Variants in OR8J3 observed in about 807,000 individuals in gnomAD.
The protein encoded by OR8J3 is olfactory receptor family 8 subfamily J member 3.
For synonymous variants in OR8J3, 170 were observed against 142.6 expected (o/e 1.19, Z -1.37); for missense variants, 418 against 379.8 (o/e 1.10, Z -0.84).
Position 56,137,392 on chromosome 11 carries a change from T to A in OR8J3, c.327A>T (p.Val109=). The change falls in exon 2 of 2, where the codon GTA becomes GTT. Residue 109 remains valine, a synonymous_variant. Coordinates refer to ENST00000642058, the MANE Select transcript of OR8J3 (RefSeq NM_001004064.2). ...TQLGGFLFFI[V]SEVMMLAVMA... is the part of the protein sequence containing the mutation. The stretch of plus-strand genomic sequence containing the variant: ...TCACAGCCAGCATCATTACCTCCGA[T>A]ACAATAAAGAACAAGAACCCTCCCA... 6.2e-7 allele frequency: 1 copy of A among 1,614,110 alleles called. No individual in the cohort carries two copies. The highest frequency in any genetic ancestry group is 8.5e-7 in the Non-Finnish European group (1 of 1,180,010).
In OR8J3 at chr11:56,135,137, C is replaced by T. The variant is rs1854318092; in HGVS notation, c.*1634G>A. On this transcript the variant is annotated 3_prime_UTR_variant, in exon 2 of 2. Coordinates refer to ENST00000642058, the MANE Select transcript of OR8J3 (RefSeq NM_001004064.2). ...AAATCTAAAAATTGTCATTTGAGGA[C>T]CTTGTTAATAGTTTATAAAAACTGA... 6.6e-6 allele frequency: 1 copy of T among 151,734 alleles called. No individual in the cohort carries two copies. The highest frequency in any genetic ancestry group is 2.4e-5 in the African/African-American group (1 of 41,322). The allele number at this position is 151,734 out of a possible 1,614,324, so 9.4% of individuals were successfully genotyped here. A position where few individuals can be genotyped will look rare whatever the true frequency, so the allele number is the denominator to read the frequency against.
chr11:56,137,813 C>T lies in OR8J3; in HGVS notation c.-95G>A. ...TAGGATTTCCACTAGATGGCAAGGA[C>T]AATTCCTGGGTGTGATCTTCTTGTC... is the stretch of plus-strand genomic sequence containing the variant. On this transcript the variant is annotated 5_prime_UTR_variant, in exon 2 of 2. Coordinates refer to ENST00000642058, the MANE Select transcript of OR8J3 (RefSeq NM_001004064.2). 1.0e-6 allele frequency: 1 copy of T among 1,000,528 alleles called. No individual in the cohort carries two copies. Among genetic ancestry groups the T allele is most frequent in the Non-Finnish European group, 1.5e-6 (1 of 671,682 alleles). The allele number at this position is 1,000,528 out of a possible 1,614,324, so 62.0% of individuals were successfully genotyped here. A position where few individuals can be genotyped will look rare whatever the true frequency, so the allele number is the denominator to read the frequency against.
At chr11:56,139,601 TAAG>T (rs1464966923) in intron 1 of OR8J3, among the ~76,000 whole-genome samples, 1 of 152,226 alleles carries the variant, frequency 6.6e-6, no homozygotes, top group African/African-American at 2.4e-5. Context: ...AAAAATCTGT[TAAG>T]AAGGCATATA....
In OR8J3 at chr11:56,137,791, G is replaced by T; in HGVS notation, c.-73C>A. On this transcript the variant is annotated 5_prime_UTR_variant, in exon 2 of 2. Transcript: ENST00000642058. ...TAGACGTTAAGGAATCATTTTCTAG[G>T]ATTTCCACTAGATGGCAAGGACAAT... The T allele has an allele frequency of 7.9e-7, 1 of 1,262,312 alleles. No homozygotes were observed. The highest frequency in any genetic ancestry group is 1.1e-6 in the Non-Finnish European group (1 of 903,352). 78.2% of individuals were successfully genotyped at this position (1,262,312 alleles called of 1,614,324 possible).
In OR8J3 at chr11:56,136,940, A is replaced by T. The variant is rs1400160918; in HGVS notation, c.779T>A (p.Leu260Ter). Residue 260 changes from leucine (L) to a stop codon, truncating the protein, a stop_gained, in exon 2 of 2, where the codon TTG becomes TAG. Transcript: ENST00000642058. LOFTEE classifies it low-confidence loss of function (END_TRUNC). ...CAGTGAGTGGTTGGTTTGGGGCTGC[A>T]AATACATAAATAGCATTGTCCCATA... ...VFYGTMLFMY[L>*]QPQTNHSLDT... 6.2e-7 allele frequency: 1 copy of T among 1,614,136 alleles called. No homozygotes were observed. The highest frequency in any genetic ancestry group is 1.1e-5 in the South Asian group (1 of 91,058).
chr11:56,136,906 A>C lies in OR8J3; in HGVS notation c.813T>G (p.Asp271Glu), dbSNP rs17150102. 195,465 of 1,613,848 alleles carry C rather than the reference A, an allele frequency of 0.12. 12,736 individuals carry two copies. The highest frequency in any genetic ancestry group is 0.15 in the East Asian group (6,688 of 44,860). Residue 271 changes from aspartate to glutamate, a missense_variant, in exon 2 of 2, where the codon GAT (aspartate) becomes GAG (glutamate). By Grantham distance (45) the Asp-to-Glu change is conservative. Coordinates refer to ENST00000642058, the MANE Select transcript of OR8J3 (RefSeq NM_001004064.2). Reference sequence around the variant, plus strand: ...ATGTGTAAAACACAGAAGCCATCTTATCAGTATCCAGTGAGTGGTTGGTTT... The same window carrying C: ...ATGTGTAAAACACAGAAGCCATCTTCTCAGTATCCAGTGAGTGGTTGGTTT... Reference protein sequence around the residue: ...QPQTNHSLDTDKMASVFYTLV... With the variant: ...QPQTNHSLDTEKMASVFYTLV...
At chr11:56,139,120 T>A (rs1163406594) in intron 1 of OR8J3, among the ~76,000 whole-genome samples, 2 of 152,168 alleles carry the variant, frequency 1.3e-5, no homozygotes, top group Non-Finnish European at 2.9e-5. Context: ...TGAATTCATG[T>A]CCTGTTGGAG....
In OR8J3 at chr11:56,136,639, T is replaced by A; in HGVS notation, c.*132A>T. 3 of 518,996 alleles carry A rather than the reference T, an allele frequency of 5.8e-6. No homozygotes were observed. The highest frequency in any genetic ancestry group is 9.8e-6 in the Non-Finnish European group (3 of 305,050). The allele number at this position is 518,996 out of a possible 1,614,324, so 32.1% of individuals were successfully genotyped here. A position where few individuals can be genotyped will look rare whatever the true frequency, so the allele number is the denominator to read the frequency against. ...ATAACTCAAAATGTTTCCATGTATTTTTTTTAATTCAATGATCTTTAAATC... is the reference window on the plus strand; with the variant it reads ...ATAACTCAAAATGTTTCCATGTATTATTTTTAATTCAATGATCTTTAAATC... On this transcript the variant is annotated 3_prime_UTR_variant, in exon 2 of 2. Transcript: ENST00000642058.
At position 56,138,517 on chromosome 11, in the gene OR8J3, A is replaced by G. The variant is rs118060806; in HGVS notation, c.-779-20T>C. On this transcript the variant is annotated intron_variant, in intron 1 of 1. Coordinates refer to ENST00000642058, the MANE Select transcript of OR8J3 (RefSeq NM_001004064.2). ...CCCTTTCTACAAACAAACAAACAAA[A>G]AAAAATAATTAGCCGTGCGTCGTGG... 3.3e-5 allele frequency: 5 copies of G among 152,130 alleles called. No homozygotes were observed. The highest frequency in any genetic ancestry group is 5.9e-5 in the Non-Finnish European group (4 of 68,116). 9.4% of individuals were successfully genotyped at this position (152,130 alleles called of 1,614,324 possible).
In OR8J3 at chr11:56,136,913, T is replaced by C. The variant is rs142189490; in HGVS notation, c.806A>G (p.Asp269Gly). The change falls in exon 2 of 2, where the codon GAT (aspartate) becomes GGT (glycine). Residue 269 changes from aspartate to glycine, a missense_variant. Physicochemically the swap from Asp to Gly is moderately conservative, Grantham distance 94. Transcript: ENST00000642058. ...AAACACAGAAGCCATCTTATCAGTA[T>C]CCAGTGAGTGGTTGGTTTGGGGCTG... ...YLQPQTNHSL[D>G]TDKMASVFYT... The C allele has an allele frequency of 3.7e-4, 599 of 1,614,152 alleles. 2 individuals are homozygous for C. The African/African-American group carries it at 7.3e-3, about 20-fold the overall frequency.
rs11227321 is a variant in OR8J3 at position 56,137,352 on chromosome 11, A to C, written c.367T>G (p.Tyr123Asp). Reference sequence around the variant, plus strand: ...AGCAGAGGGTTACAAATGGCCACATAGCGGTCATAGGCCATCACAGCCAGC... The same window carrying C: ...AGCAGAGGGTTACAAATGGCCACATCGCGGTCATAGGCCATCACAGCCAGC... ...MMLAVMAYDR[Y>D]VAICNPLLYM... Residue 123 changes from tyrosine (Y) to aspartate (D), a missense_variant, in exon 2 of 2, where the codon TAT becomes GAT. By Grantham distance (160) the Tyr-to-Asp change is radical (BLOSUM62 -3). Coordinates refer to ENST00000642058, the MANE Select transcript of OR8J3 (RefSeq NM_001004064.2). 1 of 1,614,040 alleles carries C rather than the reference A, an allele frequency of 6.2e-7. No homozygotes were observed. The highest frequency in any genetic ancestry group is 8.5e-7 in the Non-Finnish European group (1 of 1,179,990).
At chr11:56,139,174 T>A (rs1854365351) in intron 1 of OR8J3, among the ~76,000 whole-genome samples, 1 of 152,132 alleles carries the variant, frequency 6.6e-6, no homozygotes, top group Non-Finnish European at 1.5e-5. Flanking sequence ...TCCAAATAAG[T>A]CTTATCATAT....
At chr11:56,139,952 T>G (rs1854372856) in intron 1 of OR8J3, among the ~76,000 whole-genome samples, 1 of 152,224 alleles carries the variant, frequency 6.6e-6, no homozygotes, top group African/African-American at 2.4e-5. Context: ...GTAACGTGCA[T>G]AGATAGGAAA....
chr11:56,139,767 C>A (rs1449929042), intron 1 of OR8J3, among the ~76,000 whole-genome samples: 1 of 152,090 alleles, frequency 6.6e-6, no homozygotes, highest in Admixed American at 6.5e-5. Flanking sequence ...GAATTGAAAC[C>A]TAAAGGTGGA....
Position 56,135,915 on chromosome 11 carries a change from A to G in OR8J3, c.*856T>C, listed in dbSNP as rs917352033. 6.6e-6 allele frequency: 1 copy of G among 152,008 alleles called. No individual in the cohort carries two copies. The highest frequency in any genetic ancestry group is 1.5e-5 in the Non-Finnish European group (1 of 67,894). 9.4% of individuals were successfully genotyped at this position (152,008 alleles called of 1,614,324 possible). On this transcript the variant is annotated 3_prime_UTR_variant, in exon 2 of 2. Transcript: ENST00000642058. Reference sequence around the variant, plus strand: ...ACTCCTATATATTATAAGTTGTACAATAGGTGTAAGTGTACACTTACTGAT... The same window carrying G: ...ACTCCTATATATTATAAGTTGTACAGTAGGTGTAAGTGTACACTTACTGAT...
Position 56,137,802 on chromosome 11 carries a change from G to T in OR8J3, c.-84C>A. The T allele has an allele frequency of 8.9e-7, 1 of 1,126,406 alleles. No homozygotes were observed. Among genetic ancestry groups the T allele is most frequent in the Non-Finnish European group, 1.3e-6 (1 of 782,504 alleles). 69.8% of individuals were successfully genotyped at this position (1,126,406 alleles called of 1,614,324 possible). ...GAATCATTTTCTAGGATTTCCACTA[G>T]ATGGCAAGGACAATTCCTGGGTGTG... is the stretch of plus-strand genomic sequence containing the variant. On this transcript the variant is annotated 5_prime_UTR_variant, in exon 2 of 2. Coordinates refer to ENST00000642058, the MANE Select transcript of OR8J3 (RefSeq NM_001004064.2).
Position 56,137,225 on chromosome 11 carries a change from G to A in OR8J3, c.494C>T (p.Ser165Phe). The change falls in exon 2 of 2, where the codon TCT (serine) becomes TTT (phenylalanine). Residue 165 changes from serine (S) to phenylalanine (F), a missense_variant. Coordinates refer to ENST00000642058, the MANE Select transcript of OR8J3 (RefSeq NM_001004064.2). ...TAIVVSPCIFSVSYCSSNIIN... is the reference protein window; with the variant it reads ...TAIVVSPCIFFVSYCSSNIIN... ...TATATTAGAAGAGCAATAAGACACA[G>A]AGAATATACAAGGTGAAACCACAAT... The A allele has an allele frequency of 6.2e-7, 1 of 1,614,084 alleles. No individual in the cohort carries two copies. The highest frequency in any genetic ancestry group is 8.5e-7 in the Non-Finnish European group (1 of 1,179,992).
rs1202432008 is a variant in OR8J3, at chr11:56,137,009, GC to G, written c.709del (p.Ala237ProfsTer9). 1 of 1,613,518 alleles carries G rather than the reference GC, an allele frequency of 6.2e-7. No individual in the cohort carries two copies. Among genetic ancestry groups the G allele is most frequent in the Non-Finnish European group, 8.5e-7 (1 of 1,179,756 alleles). On this transcript the variant is annotated frameshift_variant, in exon 2 of 2. Transcript: ENST00000642058. LOFTEE classifies it low-confidence loss of function (END_TRUNC). ...CATATGCGAAGCGCAGGTGGAAAAGGCTTTTTTCCTTCCTTCTGGTGAACGT... is the reference window on the plus strand; with the variant it reads ...CATATGCGAAGCGCAGGTGGAAAAGGTTTTTTCCTTCCTTCTGGTGAACGT... Reference protein sequence around the residue: ...RIRSPEGRKKAFSTCASHMIA... With the variant: ...RIRSPEGRKKXFSTCASHMIA...
intron 1 of OR8J3, among the ~76,000 whole-genome samples, 165 bp from the exon 2 acceptor site, chr11:56,138,662 C>T (rs142489321): frequency 0.06 from 9,023 of 149,896 alleles, 373 homozygotes; most frequent in Non-Finnish European, 0.085. Flanking sequence ...CCACTGCACT[C>T]CAGCCTGGGC....
Sources: allele counts gnomAD v4.1 joint callset (sites outside exome capture counted in the v4.1 genomes callset), GRCh38; gene constraint gnomAD v4.1.1; transcripts MANE v1.5; gene names NCBI Gene and HGNC (gene_info 2026-07-23, HGNC 2026-07-21).